CHD2: variants seen among roughly 807,000 people sequenced by gnomAD.
CHD2 encodes ATP-dependent chromatin remodeler CHD2.
CHD2 carries 28 observed loss-of-function variants against 243.9 expected under a neutral mutation model. The ratio of observed to expected loss-of-function variants is 0.11; its 90% confidence interval spans 0.09 to 0.16. CHD2 has a LOEUF of 0.16. Among genes scored for constraint, CHD2 ranks in the 10% least tolerant of loss-of-function variants. CHD2 has a pLI of 1.00. For missense variants in CHD2, 1,386 were observed against 2,209.8 expected, an observed-to-expected ratio of 0.63 and a Z score of 7.47; for synonymous variants, 775 against 779.0, an observed-to-expected ratio of 0.99 and a Z score of 0.09.
chr15:92,937,682 G>A (rs1323136797), intron 6 of CHD2, 57 bp downstream of exon 6: 3 of 1,274,288 alleles, frequency 2.4e-6, no homozygotes, highest in Non-Finnish European at 3.4e-6. Context: ...TGTAGATTGG[G>A]AAGGATAATG....
rs1160832264 is a variant in CHD2, at chr15:92,940,905, T to A, written c.693-917T>A. 3.8e-4 allele frequency among the ~76,000 whole-genome samples: 31 copies of A among 80,846 alleles called. No homozygotes were observed. The East Asian group carries it at 5.2e-3, about 14-fold the overall frequency. The allele number at this position is 80,846 out of a possible 152,430, so 53.0% of individuals were successfully genotyped here. On this transcript the variant is annotated intron_variant, in intron 7 of 38. Coordinates refer to ENST00000394196, the MANE Select transcript of CHD2 (RefSeq NM_001271.4). ...AAATATATATAAAAATATATATAAA[T>A]ATATATATAAATATACATATAAATA...
chr15:92,998,304 T>A lies in CHD2; in HGVS notation c.3886-195T>A. 1 of 1,316,420 alleles carries A rather than the reference T, an allele frequency of 7.6e-7. No individual in the cohort carries two copies. The highest frequency in any genetic ancestry group is 1.5e-5 in the African/African-American group (1 of 67,598). The allele number at this position is 1,316,420 out of a possible 1,614,324, so 81.5% of individuals were successfully genotyped here. Reference sequence around the variant, plus strand: ...AGCTGGATTTCTCCATCCCATTTTGTAAAATGAGAACGGCTCGTGAGGGAT... The same window carrying A: ...AGCTGGATTTCTCCATCCCATTTTGAAAAATGAGAACGGCTCGTGAGGGAT... On this transcript the variant is annotated intron_variant, in intron 30 of 38. Coordinates refer to ENST00000394196, the MANE Select transcript of CHD2 (RefSeq NM_001271.4). This position sits in a 1 kb window ranked among gnomAD's most constrained non-coding sequence, Gnocchi z 5.1.
At chr15:92,983,571 T>C (rs1428590906) in intron 24 of CHD2, among the ~76,000 whole-genome samples, 1 of 152,196 alleles carries the variant, frequency 6.6e-6, no homozygotes, top group Non-Finnish European at 1.5e-5. Context: ...GGCTGGGGGC[T>C]GCCTGCCACT....
Position 93,020,069 on chromosome 15 carries a change from C to G in CHD2, c.4964C>G (p.Pro1655Arg). 6.2e-7 allele frequency: 1 copy of G among 1,614,080 alleles called. No individual in the cohort carries two copies. The highest frequency in any genetic ancestry group is 8.5e-7 in the Non-Finnish European group (1 of 1,180,020). ...AACTATGGTGGTGGCAACAACAATC[C>G]ACCATGGGGAAGCGACAGGCACCAT... is the stretch of plus-strand genomic sequence containing the variant. Reference protein sequence around the residue: ...KFNYGGGNNNPPWGSDRHHQY... With the variant: ...KFNYGGGNNNRPWGSDRHHQY... Residue 1655 changes from proline to arginine, a missense_variant, in exon 38 of 39, where the codon CCA becomes CGA. Around this residue, in one of 19 missense-constraint regions of CHD2, gnomAD observed 347 missense variants for 341.6 expected, o/e 1.02. Coordinates refer to ENST00000394196, the MANE Select transcript of CHD2 (RefSeq NM_001271.4).
At chr15:92,963,430 G>A (rs1304897054) in intron 16 of CHD2, among the ~76,000 whole-genome samples, 2 of 152,226 alleles carry the variant, frequency 1.3e-5, no homozygotes, top group South Asian at 2.1e-4. Context: ...ACTTTGCCCC[G>A]CTGTAGCTCC....
At position 93,025,236 on chromosome 15, in the gene CHD2, A is replaced by AGGG. The variant is rs3840036; in HGVS notation, c.*533_*535dup. The AGGG allele has an allele frequency of 0.5, 76,924 of 152,420 alleles. 20,502 individuals are homozygous for AGGG. Among genetic ancestry groups the AGGG allele is most frequent in the East Asian group, 0.9 (4,574 of 5,094 alleles). The allele number at this position is 152,420 out of a possible 1,614,324, so 9.4% of individuals were successfully genotyped here. ...GGGTGGGGACAAGCATAGGACTTGAAGGGGAGCAGGTACACCCCTCAAATG... is the reference window on the plus strand; with the variant it reads ...GGGTGGGGACAAGCATAGGACTTGAAGGGGGGGAGCAGGTACACCCCTCAAATG... On this transcript the variant is annotated 3_prime_UTR_variant, in exon 39 of 39. Coordinates refer to ENST00000394196, the MANE Select transcript of CHD2 (RefSeq NM_001271.4).
At chr15:92,967,693 T>C (rs1484716335) in intron 17 of CHD2, among the ~76,000 whole-genome samples, 180 bp downstream of exon 17, 2 of 151,148 alleles carry the variant, frequency 1.3e-5, no homozygotes, top group Non-Finnish European at 3.0e-5. Context: ...GCCCAGCTAA[T>C]TTTTTTTGTA....
chr15:92,960,721 T>TG (rs2053675719), intron 16 of CHD2, among the ~76,000 whole-genome samples: 2 of 144,052 alleles, frequency 1.4e-5, no homozygotes, highest in African/African-American at 5.1e-5. Flanking sequence ...TTTTTTTTTT[T>TG]TTTTTTTTTT....
At chr15:93,019,511 G>A (rs889350252) in intron 37 of CHD2, among the ~76,000 whole-genome samples, 4 of 152,166 alleles carry the variant, frequency 2.6e-5, no homozygotes, top group African/African-American at 9.7e-5. Flanking sequence ...CAAGAAGAAA[G>A]AAATTTAATG....
chr15:92,935,282 C>G (rs191607081), intron 5 of CHD2, among the ~76,000 whole-genome samples: 1 of 152,132 alleles, frequency 6.6e-6, no homozygotes, highest in Non-Finnish European at 1.5e-5. Flanking sequence ...GTGATCCGCC[C>G]GCCTCGGCCT....
At position 92,992,976 on chromosome 15, in the gene CHD2, G is replaced by A. The variant is rs79219767; in HGVS notation, c.3573G>A (p.Gln1191=). Residue 1191 remains glutamine (Q), a synonymous_variant, in exon 28 of 39, where the codon CAG becomes CAA. Transcript: ENST00000394196. ...CVSAMQEYEE[Q]LKENASEGKG... The stretch of plus-strand genomic sequence containing the variant: ...CAGCAATGCAGGAATACGAAGAGCA[G>A]CTGAAAGAAAATGCCAGCGAGGGTA... 764 of 1,613,930 alleles carry A rather than the reference G, an allele frequency of 4.7e-4. 2 individuals are homozygous for A. In the African/African-American group the frequency reaches 9.1e-3, roughly 19 times the overall value.
intron 38 of CHD2, among the ~76,000 whole-genome samples, chr15:93,022,820 G>T (rs927745305): frequency 1.3e-5 from 2 of 152,174 alleles, no homozygotes; most frequent in Non-Finnish European, 2.9e-5. Context: ...TAGTGAACAG[G>T]AGCCGTTAAA....
chr15:92,930,440 T>A (rs2053145270), intron 5 of CHD2, among the ~76,000 whole-genome samples: 2 of 152,136 alleles, frequency 1.3e-5, no homozygotes, highest in African/African-American at 4.8e-5. Flanking sequence ...CTTTTTGTTT[T>A]GTTTTGTTTT....
chr15:92,969,503 C>T (rs1204620411), intron 17 of CHD2, among the ~76,000 whole-genome samples: 1 of 152,204 alleles, frequency 6.6e-6, no homozygotes, highest in East Asian at 1.9e-4. Flanking sequence ...GAAGGATCCT[C>T]AGAAGACTGG....
At position 92,907,754 on chromosome 15, in the gene CHD2, A is replaced by G. The variant is rs116040829; in HGVS notation, c.62+6455A>G. Among the ~76,000 whole-genome samples the G allele has an allele frequency of 7.6e-3, 1,152 of 152,300 alleles. 16 individuals carry two copies. The highest frequency in any genetic ancestry group is 0.027 in the African/African-American group (1,111 of 41,552). On this transcript the variant is annotated intron_variant, in intron 2 of 38. Transcript: ENST00000394196. ...GAGCCCATCACATTAAAAGTGCTCA[A>G]TAAATGTAAGCTTTTAGTAAGGTTA...
At chr15:92,952,297 C>T (rs752693654) in intron 13 of CHD2, among the ~76,000 whole-genome samples, 11 of 152,060 alleles carry the variant, frequency 7.2e-5, no homozygotes, top group Non-Finnish European at 1.5e-4. Flanking sequence ...GGACTGGTTT[C>T]GTGGAAGACA....
chr15:92,955,291 G>A, intron 14 of CHD2, 132 bp from the exon 15 acceptor site: 1 of 541,490 alleles, frequency 1.8e-6, no homozygotes, highest in Admixed American at 4.2e-5. Flanking sequence ...ATTTTAGAAT[G>A]TGAGATATTC....
chr15:92,972,422 G>C lies in CHD2; in HGVS notation c.2505+5G>C, dbSNP rs2053851948. 6.3e-7 allele frequency: 1 copy of C among 1,581,322 alleles called. No individual in the cohort carries two copies. Among genetic ancestry groups the C allele is most frequent in the South Asian group, 1.2e-5 (1 of 86,552 alleles). ...ATTAAACACTATCCTTTCCAGGTAA[G>C]GTGATTTCAGTAATTGCTGTGGGGG... On this transcript the variant is annotated splice_donor_5th_base_variant and intron_variant, in intron 19 of 38. Transcript: ENST00000394196.
intron 16 of CHD2, among the ~76,000 whole-genome samples, chr15:92,965,565 CAAAAAAAAAA>C (rs61447848): frequency 1.8e-5 from 2 of 111,046 alleles, no homozygotes; most frequent in African/African-American, 4.5e-5. Context: ...ACTCTTTCTC[CAAAAAAAAAA>C]AAAAAAAAAA....
Sources: allele counts gnomAD v4.1 joint callset (sites outside exome capture counted in the v4.1 genomes callset), GRCh38; gene constraint gnomAD v4.1.1; regional missense constraint gnomAD v4.1.1; non-coding constraint Gnocchi (gnomAD v3.1); transcripts MANE v1.5; gene names NCBI Gene and HGNC (gene_info 2026-07-23, HGNC 2026-07-21).